Variants in PDE11A observed in about 807,000 individuals in gnomAD.
PDE11A encodes dual 3',5'-cyclic-AMP and -GMP phosphodiesterase 11A.
PDE11A carries 100 observed loss-of-function variants against 100.5 expected under a neutral mutation model. The ratio of observed to expected loss-of-function variants is 1.00; its 90% confidence interval spans 0.85 to 1.18. The LOEUF is 1.18. Ranked by LOEUF, PDE11A falls within the 50% of genes most tolerant of loss-of-function variation. The pLI is 0.00. For synonymous variants in PDE11A, 381 were observed against 420.8 expected, an observed-to-expected ratio of 0.91 and a Z score of 1.16; for missense variants, 1,141 against 1,152.6, an observed-to-expected ratio of 0.99 and a Z score of 0.15.
chr2:178,000,982 A>G (rs1259202293), intron 2 of PDE11A, among the ~76,000 whole-genome samples: 1 of 152,160 alleles, frequency 6.6e-6, no homozygotes, highest in Non-Finnish European at 1.5e-5. Flanking sequence ...GTGCCAAGAC[A>G]GACAGTTGCA....
At chr2:177,751,513 T>G (rs2082026709) in intron 10 of PDE11A, among the ~76,000 whole-genome samples, 1 of 152,194 alleles carries the variant, frequency 6.6e-6, no homozygotes, top group African/African-American at 2.4e-5. Context: ...GAAATGTCCA[T>G]ATCATTAGTG....
At chr2:177,734,390 T>A (rs1234485654) in intron 10 of PDE11A, among the ~76,000 whole-genome samples, 2 of 152,136 alleles carry the variant, frequency 1.3e-5, no homozygotes, top group Admixed American at 6.5e-5. Flanking sequence ...AGCGATGTTA[T>A]GAAAAAGTAA....
intron 1 of PDE11A, among the ~76,000 whole-genome samples, chr2:178,027,829 T>A (rs562160044): frequency 6.6e-6 from 1 of 152,294 alleles, no homozygotes; most frequent in African/African-American, 2.4e-5. Context: ...TCTGACCTTC[T>A]CCACATTTAA....
intron 2 of PDE11A, among the ~76,000 whole-genome samples, chr2:177,958,723 G>T (rs184237881): frequency 1.1e-3 from 162 of 152,306 alleles, no homozygotes; most frequent in Non-Finnish European, 1.2e-3. Flanking sequence ...TCAGAGCTGG[G>T]TTTAGTAGAG....
At chr2:177,800,210 C>G (rs74432233) in intron 9 of PDE11A, among the ~76,000 whole-genome samples, 6,162 of 147,966 alleles carry the variant, frequency 0.042, 199 homozygotes, top group Middle Eastern at 0.061. Flanking sequence ...CAGGGTCTTG[C>G]TTTCTTCCCC....
intron 1 of PDE11A, among the ~76,000 whole-genome samples, chr2:178,021,822 G>GAA (rs2086416809): frequency 6.6e-6 from 1 of 152,164 alleles, no homozygotes. Flanking sequence ...GTGGAAGGGA[G>GAA]TGTCCCAGAA....
intron 4 of PDE11A, among the ~76,000 whole-genome samples, chr2:177,880,475 A>G (rs78574343): frequency 0.029 from 4,402 of 152,308 alleles, 208 homozygotes; most frequent in African/African-American, 0.1. Context: ...CCATGACTCC[A>G]TGAGCAGAGT....
At chr2:178,073,263 C>T (rs1219746293), upstream of PDE11A, among the ~76,000 whole-genome samples, 1 of 152,182 alleles carries the variant, frequency 6.6e-6, no homozygotes, top group Non-Finnish European at 1.5e-5. Context: ...GACTTGCTCA[C>T]TAACACTGCC....
At chr2:177,705,809 T>C (rs767689670) in intron 13 of PDE11A, among the ~76,000 whole-genome samples, 5 of 152,196 alleles carry the variant, frequency 3.3e-5, no homozygotes, top group Non-Finnish European at 5.9e-5. Context: ...GTATTTCACT[T>C]CTGGGACCTG....
intron 9 of PDE11A, among the ~76,000 whole-genome samples, chr2:177,791,132 C>A (rs1318793033): frequency 6.6e-6 from 1 of 151,904 alleles, no homozygotes; most frequent in Non-Finnish European, 1.5e-5. Context: ...GACTTGGAAC[C>A]AACCCAAATG....
At chr2:178,089,236 G>A (rs929302710) in intron 2 of PDE11A, among the ~76,000 whole-genome samples, 1 of 152,206 alleles carries the variant, frequency 6.6e-6, no homozygotes, top group African/African-American at 2.4e-5. Flanking sequence ...TAGTGAAGAC[G>A]ACTATGGGAG....
intron 1 of PDE11A, among the ~76,000 whole-genome samples, chr2:178,069,149 G>T (rs958257207): frequency 5.9e-5 from 9 of 152,078 alleles, no homozygotes; most frequent in Admixed American, 5.9e-4. Flanking sequence ...CTGGGTAATT[G>T]CAATGTACCA....
intron 19 of PDE11A, among the ~76,000 whole-genome samples, chr2:177,663,460 G>T (rs1204432932): frequency 6.7e-6 from 1 of 150,368 alleles, no homozygotes; most frequent in Non-Finnish European, 1.5e-5. Flanking sequence ...AAATTTCCAT[G>T]GTCAAATATG....
chr2:178,058,267 TG>T (rs1178564375), intron 1 of PDE11A, among the ~76,000 whole-genome samples: 15 of 152,218 alleles, frequency 9.9e-5, no homozygotes, highest in African/African-American at 3.4e-4. Context: ...ATTCCTGATA[TG>T]GTTTGGCTGT....
chr2:177,896,259 C>G (rs189078176), intron 4 of PDE11A, among the ~76,000 whole-genome samples: 7 of 152,288 alleles, frequency 4.6e-5, no homozygotes, highest in African/African-American at 1.7e-4. Flanking sequence ...CTACTGCTCC[C>G]TCCAGCTCTG....
intron 2 of PDE11A, among the ~76,000 whole-genome samples, chr2:177,963,346 A>T (rs369081680): frequency 1.3e-5 from 2 of 152,124 alleles, no homozygotes; most frequent in African/African-American, 4.8e-5. Flanking sequence ...CCAGCATTCC[A>T]CATACCCCCA....
intron 6 of PDE11A, among the ~76,000 whole-genome samples, chr2:177,825,408 G>A (rs1255539047): frequency 6.6e-6 from 1 of 152,178 alleles, no homozygotes; most frequent in Non-Finnish European, 1.5e-5. Flanking sequence ...AGGAGAACAA[G>A]GAAGGATGGC....
In PDE11A at chr2:178,014,324, G is replaced by A. The variant is rs2086307482; in HGVS notation, c.1049C>T (p.Pro350Leu). 6.2e-7 allele frequency: 1 copy of A among 1,612,976 alleles called. No homozygotes were observed. The highest frequency in any genetic ancestry group is 8.5e-7 in the Non-Finnish European group (1 of 1,179,158). Residue 350 changes from proline to leucine, a missense_variant, in exon 2 of 20, where the codon CCA (proline) becomes CTA (leucine). Coordinates refer to ENST00000286063, the MANE Select transcript of PDE11A (RefSeq NM_016953.4). Reference protein sequence around the residue: ...QAINKIPEGAPFTEDDEKVMQ... With the variant: ...QAINKIPEGALFTEDDEKVMQ... ...TACTTTTTCATCATCTTCAGTAAAT[G>A]GAGCTCCTTCAGGAATCTTATTTAT...
chr2:177,639,767 G>A (rs529937963), intron 19 of PDE11A, among the ~76,000 whole-genome samples: 29 of 152,138 alleles, frequency 1.9e-4, no homozygotes, highest in Non-Finnish European at 4.1e-4. Context: ...TTACCTCTTG[G>A]AACCCAGCTG....
Sources: allele counts gnomAD v4.1 joint callset (sites outside exome capture counted in the v4.1 genomes callset), GRCh38; gene constraint gnomAD v4.1.1; transcripts MANE v1.5; gene names NCBI Gene and HGNC (gene_info 2026-07-23, HGNC 2026-07-21).